The following PPP4R4 variants were observed in gnomAD, a reference collection of about 807,000 sequenced individuals.
PPP4R4 encodes serine/threonine-protein phosphatase 4 regulatory subunit 4.
PPP4R4 carries 70 observed loss-of-function variants against 121.8 expected under a neutral mutation model. That is an observed-to-expected ratio of 0.57 (90% confidence interval 0.47 to 0.70). The LOEUF (loss-of-function observed/expected upper bound fraction) is 0.70, where lower values mean the gene tolerates loss of function less well. Among genes scored for constraint, PPP4R4 ranks in the 30% least tolerant of loss-of-function variants. The pLI is 0.00. For missense variants in PPP4R4, 875 were observed against 1,033.6 expected (o/e 0.85, Z 2.10); for synonymous variants, 348 against 355.7 (o/e 0.98, Z 0.24).
intron 7 of PPP4R4, among the ~76,000 whole-genome samples, chr14:94,235,765 A>G (rs1892313162): frequency 1.3e-5 from 2 of 152,086 alleles, no homozygotes; most frequent in Non-Finnish European, 2.9e-5. Context: ...CTCTTCACCC[A>G]TAAGAACTGA....
Position 94,267,031 on chromosome 14 carries a change from TA to T in PPP4R4, c.2449+4del. ...AGACTTCTGTGCTTTCACTAGCTGG[TA>T]AGTAGCAATCTAAGTTCTTCAAAAA... On this transcript the variant is annotated splice_donor_region_variant and intron_variant, in intron 23 of 24. Transcript: ENST00000304338. 6.3e-7 allele frequency: 1 copy of T among 1,574,964 alleles called. No homozygotes were observed. Among genetic ancestry groups the T allele is most frequent in the Non-Finnish European group, 8.7e-7 (1 of 1,149,088 alleles).
chr14:94,270,926 AAAC>A (rs962209762), intron 23 of PPP4R4, among the ~76,000 whole-genome samples: 83 of 150,102 alleles, frequency 5.5e-4, no homozygotes, highest in South Asian at 1.0e-3. Context: ...TCAAAAAAAA[AAAC>A]AACAACAACA....
At chr14:94,249,068 A>G (rs1220747488) in intron 14 of PPP4R4, among the ~76,000 whole-genome samples, 4 of 152,036 alleles carry the variant, frequency 2.6e-5, no homozygotes, top group African/African-American at 7.2e-5. Flanking sequence ...CTTATGCCAT[A>G]AACTATAATA....
intron 2 of PPP4R4, among the ~76,000 whole-genome samples, chr14:94,195,499 G>A (rs770464019): frequency 2.6e-5 from 4 of 152,196 alleles, no homozygotes; most frequent in Non-Finnish European, 4.4e-5. Flanking sequence ...ATTAATGTTG[G>A]TGGTTTCATG....
chr14:94,264,980 T>C (rs1566701818), intron 20 of PPP4R4, 33 bp downstream of exon 20: 9 of 1,421,642 alleles, frequency 6.3e-6, no homozygotes, highest in African/African-American at 1.4e-5. Flanking sequence ...CAACACTTAA[T>C]TACATAATTA....
chr14:94,265,362 C>T (rs748100050), intron 20 of PPP4R4, 25 bp from the exon 21 acceptor site: 7 of 1,533,540 alleles, frequency 4.6e-6, no homozygotes, highest in African/African-American at 2.7e-5. Context: ...GGAAATTATA[C>T]AACTTAAAGC....
At chr14:94,188,340 A>G (rs569816628) in intron 2 of PPP4R4, among the ~76,000 whole-genome samples, 8 of 152,140 alleles carry the variant, frequency 5.3e-5, no homozygotes, top group African/African-American at 1.9e-4. Flanking sequence ...CTATTTGCTA[A>G]TATTTTGTGG....
At chr14:94,175,902 T>G in intron 1 of PPP4R4, 152 bp from the exon 2 acceptor site, 1 of 645,958 alleles carries the variant, frequency 1.5e-6, no homozygotes. Context: ...TGATGTCGCC[T>G]GGTATCCTCA....
intron 12 of PPP4R4, 102 bp from the exon 13 acceptor site, chr14:94,245,485 G>GA (rs34860578): frequency 0.03 from 12,971 of 425,496 alleles, no homozygotes; most frequent in East Asian, 0.048. Context: ...TTATTTGGGG[G>GA]AAAAAAAAAA....
At chr14:94,260,141 A>T (rs1249483902) in intron 19 of PPP4R4, among the ~76,000 whole-genome samples, 1 of 152,140 alleles carries the variant, frequency 6.6e-6, no homozygotes, top group Admixed American at 6.5e-5. Context: ...ATTTAAAAAA[A>T]TGGCCGGGTG....
chr14:94,267,071 A>G (rs996714964), intron 23 of PPP4R4, 42 bp downstream of exon 23: 35 of 1,364,704 alleles, frequency 2.6e-5, no homozygotes, highest in Non-Finnish European at 3.6e-5. Context: ...GCTAAATTTA[A>G]CAAAATATTA....
chr14:94,213,895 C>A (rs1346417377), intron 3 of PPP4R4, among the ~76,000 whole-genome samples: 1 of 152,192 alleles, frequency 6.6e-6, no homozygotes, highest in Non-Finnish European at 1.5e-5. Flanking sequence ...TTTGTTACAG[C>A]AGCCACAGGA....
In PPP4R4 at chr14:94,174,445, G is replaced by A; in HGVS notation, c.-21G>A. Reference sequence around the variant, plus strand: ...ATCCCGGGGCCGCTCCGGCCCGGGCGGCGAGAGTGCCCGGCGGTCCATGCA... The same window carrying A: ...ATCCCGGGGCCGCTCCGGCCCGGGCAGCGAGAGTGCCCGGCGGTCCATGCA... On this transcript the variant is annotated 5_prime_UTR_variant, in exon 1 of 25. Transcript: ENST00000304338. 1 of 1,558,662 alleles carries A rather than the reference G, an allele frequency of 6.4e-7. No homozygotes were observed. The highest frequency in any genetic ancestry group is 1.2e-5 in the South Asian group (1 of 85,644).
intron 3 of PPP4R4, among the ~76,000 whole-genome samples, chr14:94,223,981 C>G (rs913559944): frequency 1.3e-5 from 2 of 152,060 alleles, no homozygotes; most frequent in Non-Finnish European, 2.9e-5. Flanking sequence ...TTGCCAAAAC[C>G]CTTGTGATAT....
chr14:94,256,616 T>C lies in PPP4R4; in HGVS notation c.2010+12T>C. 2 of 1,586,118 alleles carry C rather than the reference T, an allele frequency of 1.3e-6. No individual in the cohort carries two copies. Among genetic ancestry groups the C allele is most frequent in the Non-Finnish European group, 1.7e-6 (2 of 1,164,318 alleles). On this transcript the variant is annotated intron_variant, in intron 17 of 24. Transcript: ENST00000304338. ...CTATTGTAAAAAGAGTAAGTATCAC[T>C]CTTGCCACAATGTTGCATTTTTTGC...
At chr14:94,213,372 G>T (rs940241684) in intron 3 of PPP4R4, among the ~76,000 whole-genome samples, 6 of 152,162 alleles carry the variant, frequency 3.9e-5, no homozygotes, top group Non-Finnish European at 8.8e-5. Context: ...CTCACCCAGA[G>T]AAATCTTTTA....
chr14:94,180,476 C>T (rs1407638232), intron 2 of PPP4R4, among the ~76,000 whole-genome samples: 1 of 151,096 alleles, frequency 6.6e-6, no homozygotes, highest in African/African-American at 2.4e-5. Flanking sequence ...CTGAGACTAG[C>T]TTTTATGTTG....
chr14:94,236,015 C>T (rs763789889), intron 7 of PPP4R4, among the ~76,000 whole-genome samples: 1 of 152,098 alleles, frequency 6.6e-6, no homozygotes, highest in African/African-American at 2.4e-5. Flanking sequence ...TTTAAGGCTC[C>T]GAAAAGGCTT....
chr14:94,268,438 T>G (rs573274714), intron 23 of PPP4R4, among the ~76,000 whole-genome samples: 16 of 152,300 alleles, frequency 1.1e-4, no homozygotes, highest in Middle Eastern at 3.4e-3. Flanking sequence ...GTGCATTAAT[T>G]TATTTAGTTT....
Sources: allele counts gnomAD v4.1 joint callset (sites outside exome capture counted in the v4.1 genomes callset), GRCh38; gene constraint gnomAD v4.1.1; transcripts MANE v1.5; gene names NCBI Gene and HGNC (gene_info 2026-07-23, HGNC 2026-07-21).